Variants in PTPRG observed in about 807,000 individuals in gnomAD.
The protein encoded by PTPRG is receptor-type tyrosine-protein phosphatase gamma.
PTPRG carries 102 observed loss-of-function variants against 165.3 expected under a neutral mutation model. The ratio of observed to expected loss-of-function variants is 0.62; its 90% CI spans 0.53 to 0.73. The LOEUF (loss-of-function observed/expected upper bound fraction) is 0.73. Among genes scored for constraint, PTPRG ranks in the 30% least tolerant of loss-of-function variants. The probability of loss-of-function intolerance (pLI) is 0.00; values close to 1 mark genes in which losing one functional copy is unlikely to be tolerated. For missense variants in PTPRG, 1,866 were observed against 1,861.4 expected (o/e 1.00, Z -0.05); for synonymous variants, 675 against 669.5 (o/e 1.01, Z -0.13).
chr3:62,167,340 C>T (rs545115947), intron 7 of PTPRG, among the ~76,000 whole-genome samples: 1 of 152,268 alleles, frequency 6.6e-6, no homozygotes, highest in African/African-American at 2.4e-5. Flanking sequence ...CAAACTTGAT[C>T]ACTAGTATGT....
intron 2 of PTPRG, among the ~76,000 whole-genome samples, chr3:61,816,224 C>T (rs2035758334): frequency 6.6e-6 from 1 of 152,116 alleles, no homozygotes; most frequent in East Asian, 1.9e-4. Context: ...CATTCTTGAA[C>T]AGAATTTCAA....
At chr3:61,582,280 T>C (rs1199963758) in intron 1 of PTPRG, among the ~76,000 whole-genome samples, 1 of 152,182 alleles carries the variant, frequency 6.6e-6, no homozygotes, top group African/African-American at 2.4e-5. Context: ...TTATTTTGTT[T>C]TATTTATTAA....
rs369729170 is a variant in PTPRG at position 61,742,614 on chromosome 3, C to T, written c.86-6264C>T. The T allele has an allele frequency of 3.9e-4, 625 of 1,602,956 alleles. 8 individuals are homozygous for T. The South Asian group carries it at 5.8e-3, about 15-fold the overall frequency. On this transcript the variant is annotated intron_variant, in intron 1 of 29. Coordinates refer to ENST00000474889, the MANE Select transcript of PTPRG (RefSeq NM_002841.4). Reference sequence around the variant, plus strand: ...TCTTCACGTGACCAACAGCTACAGCCAGACATAACACCTTCTTCATTTGGA... The same window carrying T: ...TCTTCACGTGACCAACAGCTACAGCTAGACATAACACCTTCTTCATTTGGA...
At chr3:61,827,415 A>G (rs2036145007) in intron 2 of PTPRG, among the ~76,000 whole-genome samples, 1 of 152,158 alleles carries the variant, frequency 6.6e-6, no homozygotes, top group Admixed American at 6.5e-5. Flanking sequence ...ACACCCCATC[A>G]TACTATAGGA....
intron 2 of PTPRG, among the ~76,000 whole-genome samples, chr3:61,798,491 C>G (rs2035126527): frequency 6.6e-6 from 1 of 152,180 alleles, no homozygotes; most frequent in African/African-American, 2.4e-5. Flanking sequence ...ACTATGCTTC[C>G]TCTGAGACTT....
chr3:61,618,851 A>G (rs968811853), intron 1 of PTPRG, among the ~76,000 whole-genome samples: 2 of 151,984 alleles, frequency 1.3e-5, no homozygotes, highest in African/African-American at 4.8e-5. Context: ...GATCATAATT[A>G]GTACCTTAGG....
intron 1 of PTPRG, among the ~76,000 whole-genome samples, chr3:61,648,175 C>T (rs933533339): frequency 2.6e-5 from 4 of 152,168 alleles, no homozygotes; most frequent in Non-Finnish European, 4.4e-5. Flanking sequence ...TGTGGACCCC[C>T]ATGGTGATGA....
At chr3:62,178,160 TG>T (rs1705504273) in intron 8 of PTPRG, among the ~76,000 whole-genome samples, 1 of 150,884 alleles carries the variant, frequency 6.6e-6, no homozygotes, top group Non-Finnish European at 1.5e-5. Context: ...GATGGATGGA[TG>T]GATGGATGGA....
At position 62,218,996 on chromosome 3, in the gene PTPRG, G is replaced by A. The variant is rs1220588786; in HGVS notation, c.2288+13G>A. 2 of 1,612,968 alleles carry A rather than the reference G, an allele frequency of 1.2e-6. No individual in the cohort carries two copies. The highest frequency in any genetic ancestry group is 1.7e-6 in the Non-Finnish European group (2 of 1,179,562). Reference sequence around the variant, plus strand: ...TCGTTTACTGGAGGTAAGCCAGGCAGCACCTACAGCGTAGATTTGGGGGCC... The same window carrying A: ...TCGTTTACTGGAGGTAAGCCAGGCAACACCTACAGCGTAGATTTGGGGGCC... On this transcript the variant is annotated intron_variant, in intron 13 of 29. Coordinates refer to ENST00000474889, the MANE Select transcript of PTPRG (RefSeq NM_002841.4).
In PTPRG at chr3:62,192,393, C is replaced by CTTTTTTTT. The variant is rs71123255; in HGVS notation, c.1218+766_1218+773dup. On this transcript the variant is annotated intron_variant, in intron 9 of 29. Transcript: ENST00000474889. ...ATAAAGCAAACTCCACAACTACTGT[C>CTTTTTTTT]TTTTTTTTTTTTTTTTTTTTTTTTT... Among the ~76,000 whole-genome samples the CTTTTTTTT allele has an allele frequency of 8.7e-4, 46 of 52,620 alleles. 6 individuals carry two copies. Among genetic ancestry groups the CTTTTTTTT allele is most frequent in the Non-Finnish European group, 1.1e-3 (29 of 27,420 alleles). The allele number at this position is 52,620 out of a possible 152,430, so 34.5% of individuals were successfully genotyped here. A position where few individuals can be genotyped will look rare whatever the true frequency, so the allele number is the denominator to read the frequency against.
intron 4 of PTPRG, among the ~76,000 whole-genome samples, chr3:62,042,401 G>C (rs768398273): frequency 1.3e-5 from 2 of 152,172 alleles, no homozygotes; most frequent in Non-Finnish European, 2.9e-5. Context: ...GCGTGTCTTT[G>C]TTATGCCAAA....
chr3:61,981,990 T>A (rs1312349935), intron 2 of PTPRG, among the ~76,000 whole-genome samples: 1 of 152,210 alleles, frequency 6.6e-6, no homozygotes, highest in African/African-American at 2.4e-5. Flanking sequence ...ATCTTACTTG[T>A]TAGCCTTGAA....
At chr3:62,131,025 G>A (rs570269491) in intron 5 of PTPRG, among the ~76,000 whole-genome samples, 26 of 152,014 alleles carry the variant, frequency 1.7e-4, no homozygotes, top group African/African-American at 5.5e-4. Flanking sequence ...GTGTTTAGTA[G>A]CACCTGTATT....
chr3:62,031,103 G>C (rs930486804), intron 4 of PTPRG, among the ~76,000 whole-genome samples: 1 of 152,170 alleles, frequency 6.6e-6, no homozygotes, highest in Non-Finnish European at 1.5e-5. Flanking sequence ...AGTATTGAAG[G>C]AAGGATGAAC....
chr3:61,825,200 T>A (rs1268052752), intron 2 of PTPRG, among the ~76,000 whole-genome samples: 2 of 152,230 alleles, frequency 1.3e-5, no homozygotes, highest in Admixed American at 1.3e-4. Context: ...ATTCAGTAAT[T>A]CTGCACATTC....
chr3:61,755,976 G>T (rs2106945044), intron 2 of PTPRG, among the ~76,000 whole-genome samples: 1 of 152,262 alleles, frequency 6.6e-6, no homozygotes, highest in Non-Finnish European at 1.5e-5. Context: ...TGATGGGGCT[G>T]TATCACTGGG....
At chr3:61,925,910 C>T (rs183311301) in intron 2 of PTPRG, 3 of 498,222 alleles carry the variant, frequency 6.0e-6, no homozygotes, top group African/African-American at 5.8e-5. Flanking sequence ...GATGAGGTAA[C>T]CAGCAGTGTT....
At chr3:61,777,749 G>C (rs1266222738) in intron 2 of PTPRG, among the ~76,000 whole-genome samples, 1 of 152,194 alleles carries the variant, frequency 6.6e-6, no homozygotes, top group East Asian at 1.9e-4. Context: ...TGGGCCCTCA[G>C]TGGGGAGGCC....
chr3:62,234,019 C>T (rs946454170), intron 14 of PTPRG, among the ~76,000 whole-genome samples: 5 of 152,194 alleles, frequency 3.3e-5, no homozygotes, highest in African/African-American at 1.2e-4. Context: ...GTTGTCTATT[C>T]TTCCAGGGAT....
Sources: allele counts gnomAD v4.1 joint callset (sites outside exome capture counted in the v4.1 genomes callset), GRCh38; gene constraint gnomAD v4.1.1; transcripts MANE v1.5; gene names NCBI Gene and HGNC (gene_info 2026-07-23, HGNC 2026-07-21).